The following CCDC57 variants were observed in gnomAD, a reference collection of about 807,000 sequenced individuals.
CCDC57 encodes coiled-coil domain-containing protein 57.
In CCDC57, 118 loss-of-function variants were observed where a neutral mutation model predicts 118.9. The observed-to-expected ratio is 0.99, with a 90% CI of 0.86 to 1.16. The LOEUF (loss-of-function observed/expected upper bound fraction) is 1.16. CCDC57 is among the 50% of genes most tolerant of loss of function. The pLI is 0.00. For missense variants in CCDC57, 1,300 were observed against 1,320.7 expected (o/e 0.98, Z 0.24); for synonymous variants, 527 against 532.9 (o/e 0.99, Z 0.15).
At chr17:82,186,905 G>A (rs2146577441) in intron 8 of CCDC57, among the ~76,000 whole-genome samples, 1 of 151,884 alleles carries the variant, frequency 6.6e-6, no homozygotes, top group Admixed American at 6.6e-5. Context: ...TCGCACCACT[G>A]CACTCCAGCC....
At chr17:82,152,778 T>C (rs1225312633) in intron 15 of CCDC57, among the ~76,000 whole-genome samples, 1 of 152,238 alleles carries the variant, frequency 6.6e-6, no homozygotes, top group Non-Finnish European at 1.5e-5. Flanking sequence ...CTGGTGTGCC[T>C]TTCCAGGGCT....
chr17:82,108,531 G>C (rs1054024931), intron 19 of CCDC57, among the ~76,000 whole-genome samples: 1 of 152,172 alleles, frequency 6.6e-6, no homozygotes. Flanking sequence ...GTTTTAAAGG[G>C]AAATACACAG....
At chr17:82,169,539 G>A (rs147538371) in intron 13 of CCDC57, among the ~76,000 whole-genome samples, 1 of 152,268 alleles carries the variant, frequency 6.6e-6, no homozygotes, top group South Asian at 2.1e-4. Context: ...CTACACTAAG[G>A]GGGGCTGTGG....
chr17:82,206,899 A>C, intron 2 of CCDC57, among the ~76,000 whole-genome samples: 1 of 152,234 alleles, frequency 6.6e-6, no homozygotes, highest in East Asian at 1.9e-4. Context: ...CTCCTTGTTC[A>C]TTCCTGGGTG....
chr17:82,136,491 G>A (rs753143230), intron 16 of CCDC57, among the ~76,000 whole-genome samples: 2 of 150,102 alleles, frequency 1.3e-5, no homozygotes, highest in Non-Finnish European at 2.9e-5. Context: ...GATGATGCTC[G>A]CACAACATTC....
chr17:82,138,250 G>T (rs1321800464), intron 16 of CCDC57, among the ~76,000 whole-genome samples: 1 of 148,358 alleles, frequency 6.7e-6, no homozygotes, highest in Non-Finnish European at 1.5e-5. Context: ...CCGGGTTCAC[G>T]CCACTCTCCT....
At chr17:82,148,889 T>C (rs2041394001) in intron 16 of CCDC57, among the ~76,000 whole-genome samples, 1 of 68,488 alleles carries the variant, frequency 1.5e-5, no homozygotes, top group Non-Finnish European at 2.6e-5. Context: ...AGTGGTTGGA[T>C]GGTTGGATGG....
intron 16 of CCDC57, among the ~76,000 whole-genome samples, chr17:82,144,468 A>T (rs764644293): frequency 9.9e-5 from 15 of 152,204 alleles, no homozygotes; most frequent in Admixed American, 2.0e-4. Context: ...CCTGAATAAA[A>T]GTCCATTTCC....
intron 2 of CCDC57, 47 bp from the exon 2 acceptor site, chr17:82,201,999 A>G: frequency 6.8e-7 from 1 of 1,481,370 alleles, no homozygotes; most frequent in South Asian, 1.3e-5. Flanking sequence ...GAGGGGCCCT[A>G]ATTTTCCTAC....
intron 16 of CCDC57, among the ~76,000 whole-genome samples, chr17:82,143,719 G>C (rs1484362304): frequency 6.6e-6 from 1 of 152,134 alleles, no homozygotes; most frequent in Non-Finnish European, 1.5e-5. Flanking sequence ...ACAGATTCCT[G>C]AGCAGGATTC....
intron 19 of CCDC57, among the ~76,000 whole-genome samples, chr17:82,119,303 T>G (rs2036349586): frequency 6.6e-6 from 1 of 152,078 alleles, no homozygotes; most frequent in Admixed American, 6.5e-5. Context: ...TAGCATTATC[T>G]GAGACTAACA....
At chr17:82,127,093 T>G (rs1187589251) in intron 19 of CCDC57, 1 of 985,310 alleles carries the variant, frequency 1.0e-6, no homozygotes, top group African/African-American at 1.7e-5. Context: ...CTGAGACCAG[T>G]AGCAGGAGCT....
intron 19 of CCDC57, chr17:82,113,541 A>G (rs2035451684): frequency 1.4e-6 from 1 of 717,574 alleles, no homozygotes; most frequent in African/African-American, 1.7e-5. Context: ...ATGTTTTTGC[A>G]CACTGAGGAG....
At chr17:82,181,462 A>C (rs181193414) in intron 9 of CCDC57, among the ~76,000 whole-genome samples, 2 of 152,352 alleles carry the variant, frequency 1.3e-5, no homozygotes, top group East Asian at 3.9e-4. Context: ...GCTGCCATGT[A>C]AATACTTAAC....
chr17:82,141,894 C>T (rs189206826), intron 16 of CCDC57, among the ~76,000 whole-genome samples: 7 of 152,308 alleles, frequency 4.6e-5, no homozygotes, highest in South Asian at 2.1e-4. Context: ...GGGTTATCTG[C>T]GTCCAGCCCC....
intron 7 of CCDC57, among the ~76,000 whole-genome samples, chr17:82,193,528 G>C (rs1464475502): frequency 1.3e-5 from 2 of 150,696 alleles, no homozygotes; most frequent in African/African-American, 4.9e-5. Context: ...CCTGGGCACA[G>C]AGCAAGACCC....
At chr17:82,167,646 C>T (rs1380505982) in intron 13 of CCDC57, among the ~76,000 whole-genome samples, 8 of 152,088 alleles carry the variant, frequency 5.3e-5, no homozygotes, top group Admixed American at 1.3e-4. Context: ...CAACCACACC[C>T]GGCCAATTTT....
At chr17:82,114,612 G>A (rs2035612520) in intron 19 of CCDC57, among the ~76,000 whole-genome samples, 1 of 152,130 alleles carries the variant, frequency 6.6e-6, no homozygotes, top group African/African-American at 2.4e-5. Context: ...ACAGTGACTA[G>A]GTGGAGGGCG....
At chr17:82,115,085 G>C (rs1050197131) in intron 19 of CCDC57, among the ~76,000 whole-genome samples, 2 of 152,208 alleles carry the variant, frequency 1.3e-5, no homozygotes, top group African/African-American at 4.8e-5. Flanking sequence ...GCTCTGGCCT[G>C]GACTGGATCC....
Sources: gnomAD v4.1 joint callset for allele counts (sites outside exome capture counted in the v4.1 genomes callset) on GRCh38, gnomAD v4.1.1 for gene constraint, MANE v1.5 for transcripts, NCBI Gene and HGNC (gene_info 2026-07-23, HGNC 2026-07-21) for gene names.